Variants in PWP1 observed in about 807,000 individuals in gnomAD.
PWP1 encodes the protein periodic tryptophan protein 1 homolog.
In PWP1, 47 loss-of-function variants were observed where a neutral mutation model predicts 69.9. That is an observed-to-expected ratio of 0.67 (90% CI 0.53 to 0.86). The LOEUF (loss-of-function observed/expected upper bound fraction) is 0.86. PWP1 is among the 40% of genes least tolerant of loss of function. The pLI is 0.00. For synonymous variants in PWP1, 222 were observed against 208.2 expected (o/e 1.07, Z -0.57); for missense variants, 551 against 608.8 (o/e 0.91, Z 1.00).
rs117963602 is a variant in PWP1 at position 107,710,481 on chromosome 12, G to C, written c.1367G>C (p.Arg456Pro). ...TTTGGAGGTCAAAAAGAAGGGCTTCGGGTCTGGGATATAAGCACAGTCTCT... is the reference window on the plus strand; with the variant it reads ...TTTGGAGGTCAAAAAGAAGGGCTTCCGGTCTGGGATATAAGCACAGTCTCT... ...YAFGGQKEGL[R>P]VWDISTVSSV... The change falls in exon 14 of 15, where the codon CGG becomes CCG. Residue 456 changes from arginine to proline, a missense_variant. By Grantham distance (103) the Arg-to-Pro change is moderately radical. Coordinates refer to ENST00000412830, the MANE Select transcript of PWP1 (RefSeq NM_007062.3). 2 of 1,610,134 alleles carry C rather than the reference G, an allele frequency of 1.2e-6. No individual in the cohort carries two copies. The highest frequency in any genetic ancestry group is 2.7e-5 in the African/African-American group (2 of 74,524).
chr12:107,694,941 G>A (rs540161513), intron 5 of PWP1, among the ~76,000 whole-genome samples: 2 of 152,172 alleles, frequency 1.3e-5, no homozygotes, highest in East Asian at 3.9e-4. Flanking sequence ...ATCTCACGTG[G>A]TTAAGAGTAT....
chr12:107,696,660 C>G (rs1324111232), intron 6 of PWP1, 76 bp downstream of exon 6: 4 of 1,580,214 alleles, frequency 2.5e-6, no homozygotes, highest in Non-Finnish European at 2.6e-6. Context: ...ATTATGTATT[C>G]TCTTGAATGT....
chr12:107,696,822 C>T (rs1307452100), intron 6 of PWP1, among the ~76,000 whole-genome samples: 1 of 152,194 alleles, frequency 6.6e-6, no homozygotes, highest in African/African-American at 2.4e-5. Flanking sequence ...GGCTGAAGGA[C>T]AGGGCCTGAA....
chr12:107,707,615 A>G (rs913893660), intron 11 of PWP1, among the ~76,000 whole-genome samples: 1 of 152,190 alleles, frequency 6.6e-6, no homozygotes, highest in Non-Finnish European at 1.5e-5. Context: ...AGGGCTGTTG[A>G]ATTTTGTCAA....
At chr12:107,687,077 G>T (rs915874480) in intron 1 of PWP1, among the ~76,000 whole-genome samples, 1 of 151,774 alleles carries the variant, frequency 6.6e-6, no homozygotes, top group African/African-American at 2.4e-5. Context: ...CTACCAAACA[G>T]TAAAAGGGGT....
Position 107,703,737 on chromosome 12 carries a change from C to G in PWP1, c.956C>G (p.Ser319Ter). The G allele has an allele frequency of 6.3e-7, 1 of 1,599,788 alleles. No homozygotes were observed. The highest frequency in any genetic ancestry group is 8.6e-7 in the Non-Finnish European group (1 of 1,167,110). ...PFEAQTLISG[S>*]YDKSVALYDC... ...GAAGCACAGACTCTGATTTCTGGCT[C>G]ATATGATAAGTAAGAAAGCACAGCA... is the stretch of plus-strand genomic sequence containing the variant. Residue 319 changes from serine (S) to a stop codon, truncating the protein, a stop_gained, in exon 10 of 15, where the codon TCA (serine) becomes TGA (stop). Coordinates refer to ENST00000412830, the MANE Select transcript of PWP1 (RefSeq NM_007062.3). LOFTEE classifies it high-confidence loss of function.
intron 13 of PWP1, among the ~76,000 whole-genome samples, chr12:107,710,145 A>T (rs1439511861): frequency 1.3e-5 from 2 of 152,196 alleles, no homozygotes; most frequent in Non-Finnish European, 2.9e-5. Flanking sequence ...AGTGATAACG[A>T]AGATGAGTGG....
intron 14 of PWP1, among the ~76,000 whole-genome samples, chr12:107,711,143 C>G (rs1179748646): frequency 1.3e-5 from 2 of 152,156 alleles, no homozygotes; most frequent in South Asian, 4.1e-4. Context: ...TTATGGGAAA[C>G]GAGGGATAGG....
Position 107,708,455 on chromosome 12 carries a change from T to C in PWP1, c.1078-471T>C, listed in dbSNP as rs1593150286. On this transcript the variant is annotated intron_variant, in intron 11 of 14. Coordinates refer to ENST00000412830, the MANE Select transcript of PWP1 (RefSeq NM_007062.3). ...TCTTTCTTTCTTGACAGTGTAACAATGCACTCTAATCTGCCTTTCATTCCT... is the reference window on the plus strand; with the variant it reads ...TCTTTCTTTCTTGACAGTGTAACAACGCACTCTAATCTGCCTTTCATTCCT... 1.3e-5 allele frequency among the ~76,000 whole-genome samples: 2 copies of C among 152,340 alleles called. 1 individual carries two copies. The highest frequency in any genetic ancestry group is 3.9e-4 in the East Asian group (2 of 5,188).
At chr12:107,692,619 A>G in intron 3 of PWP1, 195 bp from the exon 4 acceptor site, 1 of 552,972 alleles carries the variant, frequency 1.8e-6, no homozygotes, top group South Asian at 2.3e-5. Flanking sequence ...TCTGAAATCC[A>G]TTCCAAAGGT....
chr12:107,698,548 G>C (rs1889639680), intron 7 of PWP1, among the ~76,000 whole-genome samples: 3 of 152,074 alleles, frequency 2.0e-5, no homozygotes, highest in Non-Finnish European at 4.4e-5. Flanking sequence ...AACTACTATA[G>C]TTTCTTCCCT....
intron 8 of PWP1, among the ~76,000 whole-genome samples, chr12:107,701,541 G>A (rs1425031359): frequency 1.3e-5 from 2 of 152,018 alleles, no homozygotes; most frequent in Non-Finnish European, 2.9e-5. Flanking sequence ...TTACATGTAT[G>A]TTTTCTTCTG....
chr12:107,690,671 C>T (rs1889462708), intron 3 of PWP1, among the ~76,000 whole-genome samples: 2 of 152,104 alleles, frequency 1.3e-5, no homozygotes, highest in Non-Finnish European at 2.9e-5. Flanking sequence ...CCATGTTGGC[C>T]GGGATGGTCT....
Position 107,688,691 on chromosome 12 carries a change from G to T in PWP1, c.208G>T (p.Ala70Ser). The stretch of plus-strand genomic sequence containing the variant: ...TGGCATGCAGAGTGCACGCACCCAG[G>T]CACGCCCAAGAGAGCCCCTGGAGGA... ...EDGMQSARTQ[A>S]RPREPLEDGD... The change falls in exon 3 of 15, where the codon GCA becomes TCA. Residue 70 changes from alanine (A) to serine (S), a missense_variant. Physicochemically the swap from Ala to Ser is moderately conservative, Grantham distance 99 (BLOSUM62 1). Coordinates refer to ENST00000412830, the MANE Select transcript of PWP1 (RefSeq NM_007062.3). 6.2e-7 allele frequency: 1 copy of T among 1,614,188 alleles called. No individual in the cohort carries two copies. Among genetic ancestry groups the T allele is most frequent in the Non-Finnish European group, 8.5e-7 (1 of 1,180,024 alleles).
rs1360506761 is a variant in PWP1 at position 107,697,502 on chromosome 12, A to T, written c.649A>T (p.Ile217Phe). ...TGCTGTAGGAAACATGACCCCTGTT[A>T]TTGAAGTGTGGGACCTTGATATAGT... ...YIAVGNMTPV[I>F]EVWDLDIVDS... The change falls in exon 7 of 15, where the codon ATT becomes TTT. Residue 217 changes from isoleucine (I) to phenylalanine (F), a missense_variant. By Grantham distance (21) the Ile-to-Phe change is conservative. Coordinates refer to ENST00000412830, the MANE Select transcript of PWP1 (RefSeq NM_007062.3). 1 of 1,603,636 alleles carries T rather than the reference A, an allele frequency of 6.2e-7. No individual in the cohort carries two copies. The highest frequency in any genetic ancestry group is 8.5e-7 in the Non-Finnish European group (1 of 1,176,094).
intron 2 of PWP1, 32 bp from the exon 3 acceptor site, chr12:107,688,583 G>A (rs1889420251): frequency 6.2e-7 from 1 of 1,610,520 alleles, no homozygotes; most frequent in Non-Finnish European, 8.5e-7. Flanking sequence ...GGTAGCATTT[G>A]GGTGATTCTC....
chr12:107,710,358 C>T (rs369933570), intron 13 of PWP1, 47 bp from the exon 14 acceptor site: 88 of 1,602,830 alleles, frequency 5.5e-5, no homozygotes, highest in Non-Finnish European at 6.7e-5. Context: ...TAGATATTAG[C>T]GCTTTCTGAA....
rs1479565051 is a variant in PWP1 at position 107,690,805 on chromosome 12, G to A, written c.319+2003G>A. ...GTTAAAGCAAGGTAATTCAAGGTTC[G>A]TGATGCCCTCTCCACTTGTGTTCAT... On this transcript the variant is annotated intron_variant, in intron 3 of 14. Transcript: ENST00000412830. 2.0e-5 allele frequency among the ~76,000 whole-genome samples: 3 copies of A among 152,144 alleles called. No homozygotes were observed. In the South Asian group the frequency reaches 6.2e-4, roughly 31 times the overall value.
At chr12:107,708,642 G>A (rs1469325440) in intron 11 of PWP1, among the ~76,000 whole-genome samples, 1 of 152,172 alleles carries the variant, frequency 6.6e-6, no homozygotes, top group Admixed American at 6.6e-5. Context: ...CACCAGGCCT[G>A]TGTTCACGTG....
Sources: allele counts gnomAD v4.1 joint callset (sites outside exome capture counted in the v4.1 genomes callset), GRCh38; gene constraint gnomAD v4.1.1; transcripts MANE v1.5; gene names NCBI Gene and HGNC (gene_info 2026-07-23, HGNC 2026-07-21).